The following OPN5 variants were observed in gnomAD, a reference collection of about 807,000 sequenced individuals.
OPN5 encodes the protein opsin 5, also known as opsin-5.
Under a neutral mutation model 41.7 loss-of-function variants are expected in OPN5, and 18 were observed. The ratio of observed to expected loss-of-function variants is 0.43; its 90% CI spans 0.30 to 0.64. The LOEUF is 0.64. Ranked by LOEUF, OPN5 falls within the 30% of genes least tolerant of loss-of-function variation. The pLI is 0.13. For synonymous variants in OPN5, 178 were observed against 164.3 expected (o/e 1.08, Z -0.64); for missense variants, 318 against 434.5 (o/e 0.73, Z 2.38).
intron 2 of OPN5, among the ~76,000 whole-genome samples, chr6:47,788,818 T>C (rs1020632508): frequency 9.4e-6 from 1 of 106,566 alleles, no homozygotes; most frequent in Admixed American, 1.0e-4. Context: ...GGGGGGGCGG[T>C]GGTGGTGTTA....
At chr6:47,803,881 T>C (rs545012412) in intron 4 of OPN5, among the ~76,000 whole-genome samples, 1 of 152,308 alleles carries the variant, frequency 6.6e-6, no homozygotes, top group East Asian at 1.9e-4. Context: ...AGTATCTCCA[T>C]GCCAATGACT....
At chr6:47,821,827 A>T (rs1762632548) in intron 6 of OPN5, among the ~76,000 whole-genome samples, 1 of 152,128 alleles carries the variant, frequency 6.6e-6, no homozygotes, top group African/African-American at 2.4e-5. Flanking sequence ...TAAGAAATGC[A>T]GGTGAGGCCA....
chr6:47,793,753 C>T (rs1773456486), intron 3 of OPN5: 1 of 932,998 alleles, frequency 1.1e-6, no homozygotes, highest in Non-Finnish European at 1.3e-6. Flanking sequence ...TACTTGACAG[C>T]CTTTCACCAT....
At chr6:47,811,399 C>T (rs1244507577) in intron 5 of OPN5, among the ~76,000 whole-genome samples, 1 of 152,204 alleles carries the variant, frequency 6.6e-6, no homozygotes, top group African/African-American at 2.4e-5. Context: ...GGTAGGTGTG[C>T]AATTAAGTTT....
intron 3 of OPN5, chr6:47,794,864 C>G (rs1388432989): frequency 1.1e-5 from 2 of 184,058 alleles, no homozygotes; most frequent in Non-Finnish European, 2.3e-5. Context: ...GCTTCCTCAC[C>G]TCCCAGAAGG....
chr6:47,801,424 C>A (rs1006024090), intron 4 of OPN5, among the ~76,000 whole-genome samples: 1 of 152,168 alleles, frequency 6.6e-6, no homozygotes, highest in African/African-American at 2.4e-5. Context: ...CATAAAGCTC[C>A]ATTTCCCTTA....
chr6:47,786,488 G>T, intron 1 of OPN5, 27 bp from the exon 2 acceptor site: 1 of 1,591,934 alleles, frequency 6.3e-7, no homozygotes, highest in South Asian at 1.1e-5. Context: ...TAGTTTTAAC[G>T]ATTGGAATTT....
chr6:47,823,876 T>C, intron 6 of OPN5, 107 bp from the exon 7 acceptor site: 1 of 816,440 alleles, frequency 1.2e-6, no homozygotes, highest in Non-Finnish European at 2.1e-6. Context: ...ATCCTGGTTC[T>C]TTTGGTGTGT....
chr6:47,799,196 G>A (rs966389961), intron 4 of OPN5, among the ~76,000 whole-genome samples: 2 of 146,730 alleles, frequency 1.4e-5, no homozygotes, highest in African/African-American at 5.1e-5. Context: ...GAGGTGTGAT[G>A]TATATATATA....
At chr6:47,808,049 T>A in intron 4 of OPN5, 105 bp from the exon 5 acceptor site, 2 of 1,021,218 alleles carry the variant, frequency 2.0e-6, no homozygotes, top group Non-Finnish European at 3.0e-6. Context: ...TGACAGACTT[T>A]CTTGGCTGTG....
chr6:47,806,450 C>T (rs1300284889), intron 4 of OPN5, among the ~76,000 whole-genome samples: 2 of 152,126 alleles, frequency 1.3e-5, no homozygotes, highest in East Asian at 1.9e-4. Flanking sequence ...AGAAATTGTA[C>T]ATGGGCAGGG....
intron 6 of OPN5, among the ~76,000 whole-genome samples, chr6:47,815,763 T>C (rs1278355075): frequency 6.6e-6 from 1 of 152,126 alleles, no homozygotes; most frequent in Non-Finnish European, 1.5e-5. Context: ...ATGCTATTAG[T>C]GGATGCCATA....
At chr6:47,810,359 C>T (rs1774143443) in intron 5 of OPN5, among the ~76,000 whole-genome samples, 2 of 152,070 alleles carry the variant, frequency 1.3e-5, no homozygotes, top group South Asian at 2.1e-4. Context: ...ATGGTAGCCA[C>T]CAGAGGTTTC....
chr6:47,825,756 A>G (rs1056265705), downstream of OPN5: 1 of 152,138 alleles, frequency 6.6e-6, no homozygotes, highest in Non-Finnish European at 1.5e-5. Flanking sequence ...TTTTCTGTAA[A>G]AGGCTTTATG....
chr6:47,819,379 A>AATATATATATATATATATATATAT (rs544310153), intron 6 of OPN5, among the ~76,000 whole-genome samples: 13 of 97,398 alleles, frequency 1.3e-4, no homozygotes, highest in African/African-American at 2.5e-4. Flanking sequence ...TATAAGTAGA[A>AATATATATATATATATATATATAT]ATATATATAT....
intron 5 of OPN5, 103 bp downstream of exon 5, chr6:47,808,498 C>T (rs775406193): frequency 1.2e-5 from 15 of 1,266,810 alleles, no homozygotes; most frequent in African/African-American, 7.5e-5. Context: ...TAAAGCTCAT[C>T]GCCTAGGAGT....
chr6:47,812,777 A>C (rs957667036), intron 6 of OPN5, among the ~76,000 whole-genome samples: 5 of 152,116 alleles, frequency 3.3e-5, no homozygotes, highest in African/African-American at 1.2e-4. Context: ...CTATGAACTT[A>C]AGCCTTGCTC....
chr6:47,793,887 A>G, intron 3 of OPN5: 1 of 483,504 alleles, frequency 2.1e-6, no homozygotes, highest in Non-Finnish European at 2.7e-6. Context: ...GTTTTAGTGG[A>G]GAAACAAGAG....
chr6:47,811,848 T>C, intron 6 of OPN5, 117 bp downstream of exon 6: 1 of 608,780 alleles, frequency 1.6e-6, no homozygotes, highest in East Asian at 3.0e-5. Flanking sequence ...TTTTATATTT[T>C]GTACAGTTTT....
Sources: allele counts gnomAD v4.1 joint callset (sites outside exome capture counted in the v4.1 genomes callset), GRCh38; gene constraint gnomAD v4.1.1; transcripts MANE v1.5; gene names NCBI Gene and HGNC (gene_info 2026-07-23, HGNC 2026-07-21).